TAOK1: variants seen among roughly 807,000 people sequenced by gnomAD.
TAOK1 encodes TAO kinase 1.
Under a neutral mutation model 138.3 loss-of-function variants are expected in TAOK1, and 21 were observed. That is an observed-to-expected ratio of 0.15 (90% CI 0.11 to 0.22). TAOK1 has a LOEUF of 0.22. Ranked by LOEUF, TAOK1 falls within the 10% of genes least tolerant of loss-of-function variation. TAOK1 has a pLI of 1.00. For missense variants in TAOK1, 651 were observed against 1,227.7 expected (o/e 0.53, Z 7.02); for synonymous variants, 361 against 398.4 (o/e 0.91, Z 1.12).
chr17:29,536,369 G>A (rs1299112220), intron 19 of TAOK1, among the ~76,000 whole-genome samples: 1 of 151,894 alleles, frequency 6.6e-6, no homozygotes, highest in Admixed American at 6.6e-5. Flanking sequence ...AGGCCAAGGC[G>A]GGCGGATCAC....
At chr17:29,437,451 G>C (rs1399098380) in intron 1 of TAOK1, among the ~76,000 whole-genome samples, 2 of 152,052 alleles carry the variant, frequency 1.3e-5, no homozygotes, top group East Asian at 3.9e-4. Flanking sequence ...GCCTGCCTCA[G>C]CCTCTCAAAG....
At chr17:29,502,495 T>C (rs1718960429) in intron 12 of TAOK1, 94 bp from the exon 13 acceptor site, 9 of 1,354,778 alleles carry the variant, frequency 6.6e-6, no homozygotes, top group East Asian at 2.5e-5. Flanking sequence ...GTCTTTGAGA[T>C]TGATTGATCA....
At chr17:29,411,292 C>T (rs1005356289) in intron 1 of TAOK1, among the ~76,000 whole-genome samples, 17 of 151,322 alleles carry the variant, frequency 1.1e-4, no homozygotes, top group African/African-American at 3.6e-4. Context: ...GGGGTTTCAC[C>T]GTTTTAGCCG....
chr17:29,468,593 G>T (rs903002957), intron 3 of TAOK1, among the ~76,000 whole-genome samples: 28 of 151,530 alleles, frequency 1.8e-4, no homozygotes, highest in African/African-American at 6.8e-4. Context: ...TGTCCACCAG[G>T]CTGGAGTGCA....
chr17:29,485,349 A>C (rs1380905547), intron 8 of TAOK1, among the ~76,000 whole-genome samples: 1 of 152,162 alleles, frequency 6.6e-6, no homozygotes, highest in South Asian at 2.1e-4. Flanking sequence ...TCATAGTTCT[A>C]CTCTCAGCTG....
At chr17:29,455,563 A>C (rs1478310720) in intron 2 of TAOK1, among the ~76,000 whole-genome samples, 3 of 150,482 alleles carry the variant, frequency 2.0e-5, no homozygotes, top group Non-Finnish European at 4.4e-5. Flanking sequence ...GTAGTGAGAA[A>C]GCCTTTTCAG....
At chr17:29,483,173 G>T (rs2031098875) in intron 8 of TAOK1, among the ~76,000 whole-genome samples, 1 of 152,150 alleles carries the variant, frequency 6.6e-6, no homozygotes, top group African/African-American at 2.4e-5. Context: ...TGCTTCCTGG[G>T]ATCAAGCAAT....
At chr17:29,536,469 G>A (rs749216381) in intron 19 of TAOK1, among the ~76,000 whole-genome samples, 168 of 147,134 alleles carry the variant, frequency 1.1e-3, no homozygotes, top group African/African-American at 3.9e-3. Flanking sequence ...GCATGATGGC[G>A]GGTGCCTATA....
At chr17:29,458,883 T>C (rs977464818) in intron 2 of TAOK1, among the ~76,000 whole-genome samples, 1 of 151,978 alleles carries the variant, frequency 6.6e-6, no homozygotes, top group African/African-American at 2.4e-5. Flanking sequence ...TTTTATTTTT[T>C]ATTTTTTTGT....
intron 3 of TAOK1, 29 bp from the exon 4 acceptor site, chr17:29,475,641 A>G (rs375273313): frequency 5.0e-5 from 73 of 1,461,430 alleles, no homozygotes; most frequent in Non-Finnish European, 6.8e-5. Flanking sequence ...AGTCCTGTTC[A>G]TAATTCTTTA....
chr17:29,469,468 G>A (rs1316203979), intron 3 of TAOK1, among the ~76,000 whole-genome samples: 2 of 152,030 alleles, frequency 1.3e-5, no homozygotes, highest in East Asian at 1.9e-4. Flanking sequence ...TAGTCATTAA[G>A]CAATAATTCC....
At chr17:29,510,806 T>G in intron 14 of TAOK1, 58 bp from the exon 15 acceptor site, 1 of 1,315,660 alleles carries the variant, frequency 7.6e-7, no homozygotes, top group Non-Finnish European at 1.0e-6. Context: ...ATGATGTATA[T>G]TAAACCACTA....
chr17:29,480,590 C>T, intron 7 of TAOK1, 109 bp downstream of exon 7: 1 of 891,802 alleles, frequency 1.1e-6, no homozygotes, highest in Non-Finnish European at 1.7e-6. Context: ...TAAACTCGGC[C>T]AGGTGCAATG....
chr17:29,450,992 A>C (rs1385225671), intron 1 of TAOK1, among the ~76,000 whole-genome samples: 1 of 152,230 alleles, frequency 6.6e-6, no homozygotes, highest in Non-Finnish European at 1.5e-5. Flanking sequence ...TGTGAAATAC[A>C]TTACTTTCTC....
intron 1 of TAOK1, among the ~76,000 whole-genome samples, chr17:29,404,950 A>G (rs961334070): frequency 3.9e-5 from 6 of 152,172 alleles, no homozygotes; most frequent in African/African-American, 1.4e-4. Flanking sequence ...TTCAAATGGC[A>G]CTATGATATG....
intron 19 of TAOK1, among the ~76,000 whole-genome samples, chr17:29,536,372 C>T (rs540909562): frequency 1.3e-5 from 2 of 151,706 alleles, no homozygotes; most frequent in African/African-American, 2.4e-5. Context: ...CCAAGGCGGG[C>T]GGATCACGAG....
chr17:29,510,308 C>T (rs941842627), intron 14 of TAOK1, among the ~76,000 whole-genome samples: 5 of 151,972 alleles, frequency 3.3e-5, no homozygotes, highest in East Asian at 3.9e-4. Flanking sequence ...ACCCGGGAAG[C>T]GGAGGTTGCA....
At chr17:29,437,050 A>AT (rs1197975792) in intron 1 of TAOK1, among the ~76,000 whole-genome samples, 1 of 151,436 alleles carries the variant, frequency 6.6e-6, no homozygotes, top group African/African-American at 2.4e-5. Flanking sequence ...AGAAGAAAAA[A>AT]ACCTTTTTTG....
At chr17:29,477,119 A>G (rs948532083) in intron 4 of TAOK1, among the ~76,000 whole-genome samples, 3 of 152,168 alleles carry the variant, frequency 2.0e-5, no homozygotes, top group Non-Finnish European at 4.4e-5. Flanking sequence ...TGCTGGGATT[A>G]TAGGCATGAG....
Sources: allele counts gnomAD v4.1 joint callset (sites outside exome capture counted in the v4.1 genomes callset), GRCh38; gene constraint gnomAD v4.1.1; transcripts MANE v1.5; gene names NCBI Gene and HGNC (gene_info 2026-07-23, HGNC 2026-07-21).